CSMD1: variants seen among roughly 807,000 people sequenced by gnomAD.
The protein encoded by CSMD1 is CUB and sushi domain-containing protein 1.
Under a neutral mutation model 417.5 loss-of-function variants are expected in CSMD1, and 213 were observed. The observed-to-expected ratio is 0.51, with a 90% CI of 0.46 to 0.57. CSMD1 has a LOEUF of 0.57. Among genes scored for constraint, CSMD1 ranks in the 20% least tolerant of loss-of-function variants. The probability of loss-of-function intolerance (pLI) is 0.00; values close to 1 mark genes in which losing one functional copy is unlikely to be tolerated. For missense variants in CSMD1, 6,923 were observed against 4,529.7 expected (o/e 1.53, Z -15.17); for synonymous variants, 2,862 against 1,736.8 (o/e 1.65, Z -16.11).
intron 42 of CSMD1, among the ~76,000 whole-genome samples, chr8:3,116,981 G>T (rs1195838530): frequency 6.6e-6 from 1 of 151,986 alleles, no homozygotes; most frequent in Non-Finnish European, 1.5e-5. Flanking sequence ...AATTTTAAGT[G>T]CTATTTTATA....
At chr8:4,862,248 G>A (rs1214950386) in intron 1 of CSMD1, among the ~76,000 whole-genome samples, 1 of 152,040 alleles carries the variant, frequency 6.6e-6, no homozygotes, top group East Asian at 1.9e-4. Context: ...AGGAGTGAAC[G>A]AGATGAGCTC....
chr8:4,707,813 G>A (rs537717704), intron 1 of CSMD1, among the ~76,000 whole-genome samples: 6 of 147,432 alleles, frequency 4.1e-5, no homozygotes, highest in East Asian at 2.0e-4. Context: ...CTTGAACTCG[G>A]GAGGGAGAGG....
intron 3 of CSMD1, among the ~76,000 whole-genome samples, chr8:4,205,119 A>C (rs1799899826): frequency 6.6e-6 from 1 of 152,212 alleles, no homozygotes; most frequent in Non-Finnish European, 1.5e-5. Context: ...TTTAACATAA[A>C]CACATTTATC....
intron 1 of CSMD1, among the ~76,000 whole-genome samples, chr8:4,951,119 G>A (rs1033747144): frequency 8.5e-5 from 13 of 152,090 alleles, no homozygotes; most frequent in African/African-American, 2.9e-4. Flanking sequence ...CCATCTTTCT[G>A]ACACACACCC....
chr8:4,297,044 C>T (rs562879913), intron 3 of CSMD1, among the ~76,000 whole-genome samples: 1 of 151,892 alleles, frequency 6.6e-6, no homozygotes, highest in South Asian at 2.1e-4. Flanking sequence ...CATTTTTACG[C>T]CAATAAAAAT....
chr8:4,402,597 A>G (rs531668240), intron 3 of CSMD1, among the ~76,000 whole-genome samples: 3 of 152,184 alleles, frequency 2.0e-5, no homozygotes, highest in African/African-American at 7.2e-5. Flanking sequence ...TGCTTTGAAT[A>G]TTACATTACT....
At chr8:3,630,609 T>C (rs946524514) in intron 7 of CSMD1, among the ~76,000 whole-genome samples, 32 of 152,098 alleles carry the variant, frequency 2.1e-4, no homozygotes, top group Admixed American at 2.6e-4. Context: ...GGGTGAAGTG[T>C]TGGGCTGGCA....
chr8:4,738,252 T>A (rs1294573240), intron 1 of CSMD1, among the ~76,000 whole-genome samples: 1 of 152,208 alleles, frequency 6.6e-6, no homozygotes, highest in Non-Finnish European at 1.5e-5. Flanking sequence ...CTGTATTAGT[T>A]CATTTTCACG....
rs534689737 is a variant in CSMD1, at chr8:3,690,467, T to A, written c.1009+17947A>T. On this transcript the variant is annotated intron_variant, in intron 7 of 69. Transcript: ENST00000635120. Reference sequence around the variant, plus strand: ...AAACTGTCACAGTAGTGTTCAAGGCTTCTCAACATGTGGGGCAATACAATG... The same window carrying A: ...AAACTGTCACAGTAGTGTTCAAGGCATCTCAACATGTGGGGCAATACAATG... Among the ~76,000 whole-genome samples the A allele has an allele frequency of 2.0e-5, 3 of 152,380 alleles. No homozygotes were observed. The East Asian group carries it at 5.8e-4, about 29-fold the overall frequency.
intron 3 of CSMD1, among the ~76,000 whole-genome samples, chr8:4,078,068 T>G (rs998323576): frequency 2.6e-5 from 4 of 152,134 alleles, no homozygotes; most frequent in African/African-American, 9.7e-5. Flanking sequence ...AATATGTTTG[T>G]AAGAAATGCC....
In CSMD1 at chr8:3,790,932, T is replaced by C. The variant is rs142278300; in HGVS notation, c.819-36890A>G. ...ACTGTCAGGTCCTAAGAGCAACAGA[T>C]GACACCTGTCATTTTAACTCACAGG... On this transcript the variant is annotated intron_variant, in intron 5 of 69. Coordinates refer to ENST00000635120, the MANE Select transcript of CSMD1 (RefSeq NM_033225.6). Among the ~76,000 whole-genome samples, 28 of 152,302 alleles carry C rather than the reference T, an allele frequency of 1.8e-4. No homozygotes were observed. The East Asian group carries it at 5.0e-3, about 27-fold the overall frequency.
At chr8:3,389,294 G>A (rs1811205064) in intron 17 of CSMD1, among the ~76,000 whole-genome samples, 1 of 152,054 alleles carries the variant, frequency 6.6e-6, no homozygotes. Flanking sequence ...ATAGGCCCCA[G>A]TGTGTGTTGT....
At chr8:4,386,307 A>G (rs575225309) in intron 3 of CSMD1, among the ~76,000 whole-genome samples, 1 of 152,184 alleles carries the variant, frequency 6.6e-6, no homozygotes, top group East Asian at 1.9e-4. Context: ...AAAACACACT[A>G]TCAGACATTC....
intron 5 of CSMD1, among the ~76,000 whole-genome samples, chr8:3,800,532 G>C (rs896059837): frequency 6.6e-6 from 1 of 152,100 alleles, no homozygotes. Context: ...TCTCAAAGGA[G>C]ATCATAGAGG....
chr8:3,137,974 C>T lies in CSMD1; in HGVS notation c.6241+4491G>A, dbSNP rs191513567. 2.9e-3 allele frequency among the ~76,000 whole-genome samples: 436 copies of T among 152,314 alleles called. 4 individuals carry two copies. The highest frequency in any genetic ancestry group is 0.01 in the African/African-American group (416 of 41,568). ...GCGCAGTGGCTCATGCCTGTAATCC[C>T]AGCACTTTGGGAGGATGAGGAGGGC... On this transcript the variant is annotated intron_variant, in intron 41 of 69. Coordinates refer to ENST00000635120, the MANE Select transcript of CSMD1 (RefSeq NM_033225.6).
rs570299968 is a variant in CSMD1, at chr8:4,075,049, G to C, written c.416-42950C>G. ...GTAATAACCCCAGTATGAATGATGA[G>C]TAAATAATGCTCATACAGTGAATAA... On this transcript the variant is annotated intron_variant, in intron 3 of 69. Coordinates refer to ENST00000635120, the MANE Select transcript of CSMD1 (RefSeq NM_033225.6). 3.3e-5 allele frequency among the ~76,000 whole-genome samples: 5 copies of C among 152,186 alleles called. No individual in the cohort carries two copies. In the South Asian group the frequency reaches 6.2e-4, roughly 19 times the overall value.
intron 54 of CSMD1, among the ~76,000 whole-genome samples, chr8:2,991,334 C>T (rs1301941023): frequency 6.6e-6 from 1 of 152,166 alleles, no homozygotes; most frequent in African/African-American, 2.4e-5. Flanking sequence ...CTAAAACACA[C>T]TAAATATACA....
rs76913052 is a variant in CSMD1, at chr8:3,851,828, G to A, written c.819-97786C>T. 2.4e-3 allele frequency among the ~76,000 whole-genome samples: 369 copies of A among 152,292 alleles called. 1 individual carries two copies. The highest frequency in any genetic ancestry group is 8.4e-3 in the African/African-American group (348 of 41,570). On this transcript the variant is annotated intron_variant, in intron 5 of 69. Coordinates refer to ENST00000635120, the MANE Select transcript of CSMD1 (RefSeq NM_033225.6). The stretch of plus-strand genomic sequence containing the variant: ...CGTGGTTCTAAGGATGAGAGACTGA[G>A]GGCGCCAGGAGGGTCGGGTGGGAGC...
intron 1 of CSMD1, among the ~76,000 whole-genome samples, chr8:4,797,359 A>T (rs1313138075): frequency 6.6e-6 from 1 of 152,226 alleles, no homozygotes; most frequent in Non-Finnish European, 1.5e-5. Flanking sequence ...GAAAGGGAGC[A>T]TCTGTGAAAG....
Sources: gnomAD v4.1 joint callset for allele counts (sites outside exome capture counted in the v4.1 genomes callset) on GRCh38, gnomAD v4.1.1 for gene constraint, MANE v1.5 for transcripts, NCBI Gene and HGNC (gene_info 2026-07-23, HGNC 2026-07-21) for gene names.